TAFA4: variants seen among roughly 807,000 people sequenced by gnomAD.
The protein encoded by TAFA4 is chemokine-like protein TAFA-4.
TAFA4 carries 20 observed loss-of-function variants against 21.1 expected under a neutral mutation model. The observed-to-expected ratio is 0.95, with a 90% CI of 0.67 to 1.38. TAFA4 has a LOEUF of 1.38. Ranked by LOEUF, TAFA4 falls within the 40% of genes most tolerant of loss-of-function variation. The pLI is 0.00. For synonymous variants in TAFA4, 71 were observed against 67.4 expected (o/e 1.05, Z -0.26); for missense variants, 211 against 180.9 (o/e 1.17, Z -0.95).
intron 3 of TAFA4, among the ~76,000 whole-genome samples, chr3:68,774,676 T>C (rs992070801): frequency 1.3e-5 from 2 of 152,170 alleles, no homozygotes; most frequent in African/African-American, 4.8e-5. Flanking sequence ...TATATCAAAA[T>C]ACACTCCAGG....
chr3:68,742,087 C>T (rs1286408143), intron 4 of TAFA4, among the ~76,000 whole-genome samples: 1 of 152,114 alleles, frequency 6.6e-6, no homozygotes. Flanking sequence ...TGTGATACAC[C>T]ACATTAACAG....
At chr3:68,818,767 T>C (rs1419729636) in intron 3 of TAFA4, among the ~76,000 whole-genome samples, 1 of 152,198 alleles carries the variant, frequency 6.6e-6, no homozygotes, top group Non-Finnish European at 1.5e-5. Context: ...GCACAGTGCA[T>C]GGTGTACCCC....
At chr3:68,849,187 A>T (rs867597022) in intron 3 of TAFA4, among the ~76,000 whole-genome samples, 1 of 152,162 alleles carries the variant, frequency 6.6e-6, no homozygotes, top group Non-Finnish European at 1.5e-5. Flanking sequence ...CTTTTTGTCC[A>T]GTAGATTGAT....
At chr3:68,823,183 G>T (rs563427618) in intron 3 of TAFA4, among the ~76,000 whole-genome samples, 1 of 152,190 alleles carries the variant, frequency 6.6e-6, no homozygotes, top group East Asian at 1.9e-4. Context: ...ACAGAATTTG[G>T]GGAAATGGGG....
intron 3 of TAFA4, among the ~76,000 whole-genome samples, chr3:68,842,076 T>C (rs1023297079): frequency 7.2e-5 from 11 of 152,310 alleles, no homozygotes; most frequent in African/African-American, 2.6e-4. Flanking sequence ...ATGGGACTGC[T>C]GGGTCAAATG....
At chr3:68,864,196 G>C (rs1021666882) in intron 3 of TAFA4, among the ~76,000 whole-genome samples, 1 of 152,050 alleles carries the variant, frequency 6.6e-6, no homozygotes, top group Non-Finnish European at 1.5e-5. Flanking sequence ...TTGCAGTTTG[G>C]TTATTTGATA....
At chr3:68,914,154 T>C (rs2089983560) in intron 1 of TAFA4, among the ~76,000 whole-genome samples, 1 of 152,188 alleles carries the variant, frequency 6.6e-6, no homozygotes, top group Non-Finnish European at 1.5e-5. Flanking sequence ...TAGAATAAAG[T>C]AGCCTATTCT....
At position 68,739,059 on chromosome 3, in the gene TAFA4, T is replaced by C. The variant is rs1246387476; in HGVS notation, c.411+16A>G. ...TGATAACTTGTAAATTGTAGTTGCA[T>C]TTTGTCTATACTTGCCTTCGTAGTT... On this transcript the variant is annotated intron_variant, in intron 5 of 5. Transcript: ENST00000295569. 6.2e-7 allele frequency: 1 copy of C among 1,611,048 alleles called. No homozygotes were observed. The highest frequency in any genetic ancestry group is 1.3e-5 in the African/African-American group (1 of 74,888).
intron 1 of TAFA4, among the ~76,000 whole-genome samples, chr3:68,930,765 C>T (rs775543039): frequency 6.6e-6 from 1 of 152,192 alleles, no homozygotes; most frequent in African/African-American, 2.4e-5. Flanking sequence ...GTTGGGCTTT[C>T]ACACTGATAT....
At chr3:68,849,198 G>A (rs80067019) in intron 3 of TAFA4, among the ~76,000 whole-genome samples, 3,397 of 152,180 alleles carry the variant, frequency 0.022, 128 homozygotes, top group African/African-American at 0.077. Context: ...GTAGATTGAT[G>A]TAAAAGGTGG....
intron 4 of TAFA4, among the ~76,000 whole-genome samples, chr3:68,745,992 G>T (rs1252171204): frequency 1.3e-5 from 2 of 152,126 alleles, no homozygotes; most frequent in Non-Finnish European, 2.9e-5. Context: ...CCCTTAATCT[G>T]GGTGGGCACT....
intron 1 of TAFA4, among the ~76,000 whole-genome samples, chr3:68,914,155 A>C (rs73835365): frequency 0.028 from 4,258 of 152,338 alleles, 199 homozygotes; most frequent in African/African-American, 0.096. Flanking sequence ...AGAATAAAGT[A>C]GCCTATTCTT....
Position 68,808,689 on chromosome 3 carries a change from C to G in TAFA4, c.131-55671G>C, listed in dbSNP as rs1010043336. 3.9e-5 allele frequency among the ~76,000 whole-genome samples: 6 copies of G among 152,184 alleles called. No individual in the cohort carries two copies. The East Asian group carries it at 5.8e-4, about 15-fold the overall frequency. ...TCCACAAACACACACCCTTAGTGAG[C>G]ATTTCTTCCTCTAAAAACCTAGAGA... On this transcript the variant is annotated intron_variant, in intron 3 of 5. Transcript: ENST00000295569.
chr3:68,787,476 A>C (rs1443674131), intron 3 of TAFA4, among the ~76,000 whole-genome samples: 1 of 152,220 alleles, frequency 6.6e-6, no homozygotes, highest in Non-Finnish European at 1.5e-5. Context: ...GCTGTGCTAA[A>C]TATAATAAGC....
At chr3:68,825,263 A>C (rs1308729887) in intron 3 of TAFA4, among the ~76,000 whole-genome samples, 1 of 152,158 alleles carries the variant, frequency 6.6e-6, no homozygotes, top group Non-Finnish European at 1.5e-5. Flanking sequence ...TGCTGAGGAT[A>C]ATGACCTCCA....
At chr3:68,908,011 C>G (rs2089920935) in intron 1 of TAFA4, among the ~76,000 whole-genome samples, 1 of 152,130 alleles carries the variant, frequency 6.6e-6, no homozygotes. Context: ...TCCATTTTTT[C>G]ATACTCACTG....
chr3:68,907,943 C>T lies in TAFA4; in HGVS notation c.-122-22633G>A, dbSNP rs138763569. ...ACAGGGTGAACACTCAATGCAGCAA[C>T]GATTACTTGGAATCAGCATGGATTC... On this transcript the variant is annotated intron_variant, in intron 1 of 5. Coordinates refer to ENST00000295569, the MANE Select transcript of TAFA4 (RefSeq NM_182522.5). Among the ~76,000 whole-genome samples the T allele has an allele frequency of 1.8e-4, 27 of 152,266 alleles. No homozygotes were observed. The East Asian group carries it at 2.9e-3, about 16-fold the overall frequency.
intron 1 of TAFA4, among the ~76,000 whole-genome samples, chr3:68,927,426 ACT>A (rs370777004): frequency 3.9e-4 from 59 of 152,142 alleles, no homozygotes; most frequent in African/African-American, 1.4e-3. Flanking sequence ...ATAAATAATA[ACT>A]CTAGCTTTTG....
At position 68,740,254 on chromosome 3, in the gene TAFA4, G is replaced by A. The variant is rs570761511; in HGVS notation, c.287-1055C>T. 5.3e-5 allele frequency among the ~76,000 whole-genome samples: 8 copies of A among 152,248 alleles called. No individual in the cohort carries two copies. The East Asian group carries it at 1.5e-3, about 29-fold the overall frequency. On this transcript the variant is annotated intron_variant, in intron 4 of 5. Transcript: ENST00000295569. ...CTCAGAAAATGTCAGCTGTTAATAT[G>A]GTCATCATCTTTGATTGCAGGTTAC... is the stretch of plus-strand genomic sequence containing the variant.
Sources: allele counts gnomAD v4.1 joint callset (sites outside exome capture counted in the v4.1 genomes callset), GRCh38; gene constraint gnomAD v4.1.1; transcripts MANE v1.5; gene names NCBI Gene and HGNC (gene_info 2026-07-23, HGNC 2026-07-21).